The following BNC1 variants were observed in gnomAD, a reference collection of about 807,000 sequenced individuals.
BNC1 encodes the protein basonuclin zinc finger protein 1.
A neutral mutation model predicts 66.5 loss-of-function variants in BNC1; 8 were observed. The ratio of observed to expected loss-of-function variants is 0.12; its 90% confidence interval spans 0.07 to 0.22. The LOEUF is 0.22. BNC1 is among the 10% of genes least tolerant of loss of function. The probability of loss-of-function intolerance (pLI) is 1.00; values close to 1 mark genes in which losing one functional copy is unlikely to be tolerated. For missense variants in BNC1, 1,069 were observed against 1,241.3 expected (o/e 0.86, Z 2.09); for synonymous variants, 454 against 452.6 (o/e 1.00, Z -0.04).
At chr15:83,283,017 G>A in intron 1 of BNC1, 3 of 1,233,932 alleles carry the variant, frequency 2.4e-6, no homozygotes, top group East Asian at 2.5e-5. Context: ...ACTGAGGCGA[G>A]CACAGCCATA....
intron 4 of BNC1, 73 bp downstream of exon 4, chr15:83,262,878 C>T (rs569865426): frequency 2.5e-5 from 35 of 1,409,608 alleles, no homozygotes; most frequent in African/African-American, 7.2e-5. Flanking sequence ...AACAATTCTC[C>T]GGGTGATTCT....
At chr15:83,261,621 T>C (rs150657136) in intron 4 of BNC1, among the ~76,000 whole-genome samples, 11 of 152,310 alleles carry the variant, frequency 7.2e-5, no homozygotes, top group African/African-American at 2.6e-4. Context: ...TGAAGAGTGG[T>C]TAGGTGACTC....
intron 1 of BNC1, among the ~76,000 whole-genome samples, chr15:83,277,335 A>C (rs1453962441): frequency 1.3e-5 from 2 of 151,972 alleles, no homozygotes; most frequent in African/African-American, 4.8e-5. Context: ...TTTTGGAGAC[A>C]GTGTGGCTCT....
rs953210239 is a variant in BNC1 at position 83,257,045 on chromosome 15, G to C, written c.*397C>G. 5 of 179,208 alleles carry C rather than the reference G, an allele frequency of 2.8e-5. No homozygotes were observed. The highest frequency in any genetic ancestry group is 5.8e-5 in the Non-Finnish European group (5 of 85,816). 11.1% of individuals were successfully genotyped at this position (179,208 alleles called of 1,614,324 possible). On this transcript the variant is annotated 3_prime_UTR_variant, in exon 5 of 5. Transcript: ENST00000345382. ...TGGGGACTGGTATCTTGTCCACAGA[G>C]TCTTCTTCCCCAGGACCCTTCTTAT...
intron 1 of BNC1, among the ~76,000 whole-genome samples, chr15:83,271,092 A>G (rs775127815): frequency 1.5e-4 from 23 of 152,204 alleles, no homozygotes; most frequent in Non-Finnish European, 2.9e-4. Context: ...CCTGTCCAAC[A>G]TAGTGAAACC....
chr15:83,278,028 C>A (rs949177874), intron 1 of BNC1, among the ~76,000 whole-genome samples: 1 of 152,006 alleles, frequency 6.6e-6, no homozygotes, highest in Admixed American at 6.6e-5. Context: ...CACAGAGGTA[C>A]AACTAGGATT....
In BNC1 at chr15:83,263,098, T is replaced by C. The variant is rs776522889; in HGVS notation, c.2153A>G (p.Asn718Ser). The change falls in exon 4 of 5, where the codon AAT becomes AGT. Residue 718 changes from asparagine (N) to serine (S), a missense_variant. Coordinates refer to ENST00000345382, the MANE Select transcript of BNC1 (RefSeq NM_001717.4). ...CTTGCAGATGTCACACTGGAAGCGA[T>C]TTTCTTCTATCTGCCTTGCTAATGC... ...QHALARQIEE[N>S]RFQCDICKKT... 9.9e-6 allele frequency: 16 copies of C among 1,614,092 alleles called. No homozygotes were observed. The highest frequency in any genetic ancestry group is 1.6e-4 in the Middle Eastern group (1 of 6,084).
chr15:83,272,149 AT>A (rs2038275594), intron 1 of BNC1, among the ~76,000 whole-genome samples: 2 of 152,242 alleles, frequency 1.3e-5, no homozygotes, highest in African/African-American at 4.8e-5. Flanking sequence ...TTCTATAAAT[AT>A]GACCATTTTA....
chr15:83,272,099 A>G (rs987187500), intron 1 of BNC1, among the ~76,000 whole-genome samples: 1 of 152,248 alleles, frequency 6.6e-6, no homozygotes, highest in African/African-American at 2.4e-5. Context: ...TAGCACCAGT[A>G]CACTCAGTAC....
At chr15:83,277,845 G>A (rs2038341915) in intron 1 of BNC1, among the ~76,000 whole-genome samples, 1 of 152,208 alleles carries the variant, frequency 6.6e-6, no homozygotes, top group East Asian at 1.9e-4. Context: ...TCATTCAAGG[G>A]TGGGAGTTAA....
chr15:83,273,607 G>A (rs2038289308), intron 1 of BNC1, among the ~76,000 whole-genome samples: 4 of 152,086 alleles, frequency 2.6e-5, no homozygotes, highest in South Asian at 2.1e-4. Flanking sequence ...TTGCTTTTTC[G>A]TAACTATCGT....
At chr15:83,262,437 T>C (rs1390130130) in intron 4 of BNC1, among the ~76,000 whole-genome samples, 1 of 152,198 alleles carries the variant, frequency 6.6e-6, no homozygotes, top group South Asian at 2.1e-4. Flanking sequence ...GGCAGAATGA[T>C]GCATATAATG....
At chr15:83,273,889 T>C (rs748824764) in intron 1 of BNC1, among the ~76,000 whole-genome samples, 6 of 152,162 alleles carry the variant, frequency 3.9e-5, no homozygotes, top group Non-Finnish European at 8.8e-5. Context: ...AGGTCTCTCA[T>C]GGGATTTGAA....
chr15:83,283,542 G>C, intron 1 of BNC1: 1 of 982,886 alleles, frequency 1.0e-6, no homozygotes, highest in Non-Finnish European at 1.2e-6. Flanking sequence ...TCGAAGTCGG[G>C]GGCCGGGGGC....
Position 83,263,011 on chromosome 15 carries a change from A to C in BNC1, c.2240T>G (p.Met747Arg). The C allele has an allele frequency of 6.2e-7, 1 of 1,614,162 alleles. No individual in the cohort carries two copies. ...ACAGCCCTCCACTGTGCATGTGTGC[A>C]TTTCTTTGACATGCATATTCTTGTG... ...IHHKNMHVKE[M>R]HTCTVEGCNA... The change falls in exon 4 of 5, where the codon ATG (methionine) becomes AGG (arginine). Residue 747 changes from methionine (M) to arginine (R), a missense_variant. Coordinates refer to ENST00000345382, the MANE Select transcript of BNC1 (RefSeq NM_001717.4).
At chr15:83,259,790 C>A (rs1596588384) in intron 4 of BNC1, among the ~76,000 whole-genome samples, 2 of 152,130 alleles carry the variant, frequency 1.3e-5, no homozygotes, top group Non-Finnish European at 2.9e-5. Context: ...TGTGGGCTCT[C>A]GCTCCTCTCA....
intron 1 of BNC1, chr15:83,283,251 T>C (rs948091355): frequency 5.9e-6 from 9 of 1,535,306 alleles, no homozygotes; most frequent in Admixed American, 2.0e-5. Flanking sequence ...CTGATTAATA[T>C]CAGATCTCCT....
chr15:83,260,528 T>G (rs2038128949), intron 4 of BNC1, among the ~76,000 whole-genome samples: 1 of 152,200 alleles, frequency 6.6e-6, no homozygotes, highest in African/African-American at 2.4e-5. Flanking sequence ...CAGGAAGCTT[T>G]CCTTAACTTC....
intron 1 of BNC1, chr15:83,283,133 A>G: frequency 1.3e-6 from 2 of 1,535,436 alleles, no homozygotes; most frequent in South Asian, 1.2e-5. Context: ...ATTCCACTTA[A>G]CTGTCAGACT....
Sources: allele counts gnomAD v4.1 joint callset (sites outside exome capture counted in the v4.1 genomes callset), GRCh38; gene constraint gnomAD v4.1.1; transcripts MANE v1.5; gene names NCBI Gene and HGNC (gene_info 2026-07-23, HGNC 2026-07-21).